The following PAPPA variants were observed in gnomAD, a reference collection of about 807,000 sequenced individuals.
PAPPA encodes the protein pappalysin 1.
PAPPA carries 60 observed loss-of-function variants against 164.0 expected under a neutral mutation model. The ratio of observed to expected loss-of-function variants is 0.37; its 90% confidence interval spans 0.30 to 0.45. The LOEUF (loss-of-function observed/expected upper bound fraction) is 0.45, where lower values mean the gene tolerates loss of function less well. Among genes scored for constraint, PAPPA ranks in the 20% least tolerant of loss-of-function variants. The pLI is 1.00. For synonymous variants in PAPPA, 875 were observed against 814.1 expected, an observed-to-expected ratio of 1.07 and a Z score of -1.27; for missense variants, 1,782 against 2,087.3, an observed-to-expected ratio of 0.85 and a Z score of 2.85.
At chr9:116,225,488 T>C (rs1844495013) in intron 5 of PAPPA, among the ~76,000 whole-genome samples, 1 of 152,238 alleles carries the variant, frequency 6.6e-6, no homozygotes, top group African/African-American at 2.4e-5. Flanking sequence ...CATAGTGTTA[T>C]TTGAACATTG....
intron 12 of PAPPA, among the ~76,000 whole-genome samples, chr9:116,334,259 A>AAC (rs1301574906): frequency 2.0e-5 from 3 of 150,998 alleles, no homozygotes; most frequent in Non-Finnish European, 4.4e-5. Context: ...AAAAAAAAAA[A>AAC]ACAGGGCTCT....
intron 13 of PAPPA, among the ~76,000 whole-genome samples, chr9:116,337,882 A>G (rs991577794): frequency 2.0e-5 from 3 of 152,188 alleles, no homozygotes; most frequent in African/African-American, 4.8e-5. Context: ...GTATAAATTC[A>G]GAGACCCAAG....
intron 10 of PAPPA, among the ~76,000 whole-genome samples, chr9:116,320,902 GGAGAGGTCT>G (rs1313588449): frequency 1.3e-5 from 2 of 152,164 alleles, no homozygotes; most frequent in Admixed American, 1.3e-4. Context: ...ATCTCAGGTA[GGAGAGGTCT>G]ATAGTGCTCC....
chr9:116,261,644 C>G (rs1381074161), intron 7 of PAPPA, among the ~76,000 whole-genome samples: 2 of 151,876 alleles, frequency 1.3e-5, no homozygotes, highest in African/African-American at 4.8e-5. Context: ...AGGTGCTTAC[C>G]CTCCTTATGT....
intron 5 of PAPPA, among the ~76,000 whole-genome samples, chr9:116,220,899 A>G (rs912527303): frequency 2.6e-5 from 4 of 152,126 alleles, no homozygotes; most frequent in African/African-American, 9.7e-5. Flanking sequence ...AAAAAAGAAA[A>G]AAGAATGCAT....
chr9:116,153,928 TA>T lies in PAPPA; in HGVS notation c.-242del. 3.8e-6 allele frequency: 1 copy of T among 262,528 alleles called. No homozygotes were observed. The highest frequency in any genetic ancestry group is 6.4e-6 in the Non-Finnish European group (1 of 155,410). 16.3% of individuals were successfully genotyped at this position (262,528 alleles called of 1,614,324 possible). On this transcript the variant is annotated 5_prime_UTR_variant, in exon 1 of 22. Transcript: ENST00000328252. ...GCTGTTAGGGGAAAAATAAGGCAGA[TA>T]AAGGAGCGGGGAGAGAAATTAATTG... is the stretch of plus-strand genomic sequence containing the variant.
At chr9:116,190,813 C>T (rs1037631621) in intron 2 of PAPPA, among the ~76,000 whole-genome samples, 1 of 152,160 alleles carries the variant, frequency 6.6e-6, no homozygotes. Context: ...CGACCATGAG[C>T]CAGCTATAAC....
intron 19 of PAPPA, among the ~76,000 whole-genome samples, chr9:116,376,164 GC>G (rs1271086583): frequency 2.0e-5 from 3 of 151,966 alleles, no homozygotes; most frequent in African/African-American, 7.3e-5. Context: ...GGGACTACAG[GC>G]ATATGCCACC....
At chr9:116,190,358 A>G (rs1453440534) in intron 2 of PAPPA, among the ~76,000 whole-genome samples, 1 of 152,214 alleles carries the variant, frequency 6.6e-6, no homozygotes, top group African/African-American at 2.4e-5. Flanking sequence ...CATTCATGCA[A>G]CAAATGTTTA....
chr9:116,312,690 CT>C (rs1390153868), intron 10 of PAPPA, among the ~76,000 whole-genome samples: 1 of 152,136 alleles, frequency 6.6e-6, no homozygotes, highest in Non-Finnish European at 1.5e-5. Context: ...CTCTCTATTC[CT>C]CCCCACTCTC....
chr9:116,209,457 T>C (rs1844280425), intron 3 of PAPPA, among the ~76,000 whole-genome samples: 1 of 152,208 alleles, frequency 6.6e-6, no homozygotes, highest in African/African-American at 2.4e-5. Context: ...CTGAGAAGGA[T>C]TGAGTAGCAG....
At chr9:116,254,610 A>C (rs376818412) in intron 7 of PAPPA, among the ~76,000 whole-genome samples, 1 of 151,964 alleles carries the variant, frequency 6.6e-6, no homozygotes, top group East Asian at 1.9e-4. Context: ...GTGAAACCCC[A>C]TCTCTACTAA....
intron 7 of PAPPA, among the ~76,000 whole-genome samples, chr9:116,254,505 G>T (rs531012150): frequency 1.3e-5 from 2 of 152,204 alleles, no homozygotes; most frequent in East Asian, 3.9e-4. Context: ...TGAAAGGGCC[G>T]GGCGCGGTGG....
chr9:116,228,227 A>G (rs1356311954), intron 6 of PAPPA, among the ~76,000 whole-genome samples: 2 of 152,114 alleles, frequency 1.3e-5, no homozygotes, highest in African/African-American at 4.8e-5. Context: ...GCTTGTTGTC[A>G]CACTTTGTCA....
Position 116,172,698 on chromosome 9 carries a change from T to G in PAPPA, c.416-14456T>G, listed in dbSNP as rs545547085. ...CCTCCTCCTCATCAATCTTCTCTGT[T>G]TCATAGTCTTTCAGTTCCTCAGCAT... On this transcript the variant is annotated intron_variant, in intron 1 of 21. Coordinates refer to ENST00000328252, the MANE Select transcript of PAPPA (RefSeq NM_002581.5). Among the ~76,000 whole-genome samples, 82 of 152,334 alleles carry G rather than the reference T, an allele frequency of 5.4e-4. 1 individual carries two copies. The highest frequency in any genetic ancestry group is 1.8e-3 in the African/African-American group (76 of 41,588).
chr9:116,355,495 G>C (rs1024983341), intron 17 of PAPPA, among the ~76,000 whole-genome samples: 148 of 152,276 alleles, frequency 9.7e-4, no homozygotes, highest in African/African-American at 3.5e-3. Context: ...TGCATTCATG[G>C]GAGTCATTCC....
chr9:116,205,544 T>G (rs1242684675), intron 2 of PAPPA, among the ~76,000 whole-genome samples: 1 of 152,180 alleles, frequency 6.6e-6, no homozygotes, highest in Non-Finnish European at 1.5e-5. Context: ...TGTTTCTCTT[T>G]TCACTCTGGG....
intron 10 of PAPPA, among the ~76,000 whole-genome samples, chr9:116,323,397 T>C (rs930517689): frequency 1.3e-5 from 2 of 152,104 alleles, no homozygotes; most frequent in African/African-American, 4.8e-5. Flanking sequence ...CTCTTCTCCC[T>C]CCACCGGGCT....
chr9:116,217,854 A>G (rs960448989), intron 4 of PAPPA, among the ~76,000 whole-genome samples: 9 of 152,210 alleles, frequency 5.9e-5, no homozygotes, highest in African/African-American at 2.2e-4. Context: ...ATTTGACTCC[A>G]GATTCTGTGT....
Sources: allele counts gnomAD v4.1 joint callset (sites outside exome capture counted in the v4.1 genomes callset), GRCh38; gene constraint gnomAD v4.1.1; transcripts MANE v1.5; gene names NCBI Gene and HGNC (gene_info 2026-07-23, HGNC 2026-07-21).